Variants in MIA2 observed in about 807,000 individuals in gnomAD.
The protein encoded by MIA2 is melanoma inhibitory activity protein 2.
MIA2 carries 127 observed loss-of-function variants against 167.8 expected under a neutral mutation model. That is an observed-to-expected ratio of 0.76 (90% CI 0.66 to 0.88). The LOEUF (loss-of-function observed/expected upper bound fraction) is 0.88. Among genes scored for constraint, MIA2 ranks in the 40% least tolerant of loss-of-function variants. The probability of loss-of-function intolerance (pLI) is 0.00; values close to 1 mark genes in which losing one functional copy is unlikely to be tolerated. For synonymous variants in MIA2, 552 were observed against 541.9 expected, an observed-to-expected ratio of 1.02 and a Z score of -0.26; for missense variants, 1,690 against 1,624.7, an observed-to-expected ratio of 1.04 and a Z score of -0.69.
rs769534317 is a variant in MIA2 at position 39,238,793 on chromosome 14, C to CAAAAAAAAAAAAAAAAAAAAAAAA, written c.250-1750_250-1749insAAAAAAAAAAAAAAAAAAAAAAAA. Among the ~76,000 whole-genome samples, 123 of 30,736 alleles carry CAAAAAAAAAAAAAAAAAAAAAAAA rather than the reference C, an allele frequency of 4.0e-3. 9 individuals carry two copies. The highest frequency in any genetic ancestry group is 7.1e-3 in the East Asian group (4 of 560). The allele number at this position is 30,736 out of a possible 152,430, so 20.2% of individuals were successfully genotyped here. On this transcript the variant is annotated intron_variant, in intron 2 of 28. Transcript: ENST00000640607. ...TGGGTTACAAAGTGAGACCCTGTCT[C>CAAAAAAAAAAAAAAAAAAAAAAAA]AAAAAAAAAAAAAAAAAACCCAAAA... is the stretch of plus-strand genomic sequence containing the variant.
chr14:39,305,239 CATT>C (rs2063149209), intron 17 of MIA2, among the ~76,000 whole-genome samples: 1 of 152,132 alleles, frequency 6.6e-6, no homozygotes, highest in African/African-American at 2.4e-5. Flanking sequence ...TTTCAAGAAA[CATT>C]AGTATTAGTT....
intron 17 of MIA2, 53 bp from the exon 18 acceptor site, chr14:39,308,396 A>G: frequency 8.9e-7 from 1 of 1,118,922 alleles, no homozygotes; most frequent in South Asian, 1.8e-5. Context: ...TGAAATGTTA[A>G]TATGCAACTC....
rs769534317 is a variant in MIA2 at position 39,238,793 on chromosome 14, C to CAAAA, written c.249+1753_250-1750dup. On this transcript the variant is annotated intron_variant, in intron 2 of 28. Coordinates refer to ENST00000640607, the MANE Select transcript of MIA2 (RefSeq NM_001329214.4). ...TGGGTTACAAAGTGAGACCCTGTCT[C>CAAAA]AAAAAAAAAAAAAAAAAACCCAAAA... Among the ~76,000 whole-genome samples the CAAAA allele has an allele frequency of 2.3e-3, 71 of 30,818 alleles. 6 individuals carry two copies. Among genetic ancestry groups the CAAAA allele is most frequent in the African/African-American group, 7.6e-3 (42 of 5,532 alleles). 20.2% of individuals were successfully genotyped at this position (30,818 alleles called of 152,430 possible).
intron 7 of MIA2, among the ~76,000 whole-genome samples, 177 bp from the exon 8 acceptor site, chr14:39,279,160 C>CA (rs71435634): frequency 0.45 from 43,237 of 96,238 alleles, 9,950 homozygotes; most frequent in Non-Finnish European, 0.49. Context: ...GACTCTGTCT[C>CA]AAAAAAAAAA....
chr14:39,275,338 G>A (rs560000236), intron 6 of MIA2, among the ~76,000 whole-genome samples: 99 of 152,036 alleles, frequency 6.5e-4, no homozygotes, highest in African/African-American at 2.3e-3. Flanking sequence ...ACAGGGTTTT[G>A]CCACGTTGGC....
At chr14:39,262,295 T>C (rs2055159666) in intron 6 of MIA2, among the ~76,000 whole-genome samples, 1 of 152,246 alleles carries the variant, frequency 6.6e-6, no homozygotes, top group Admixed American at 6.5e-5. Context: ...TTTCTTGTTT[T>C]TGTCAGGTTT....
At chr14:39,286,697 T>TTTTTTTTTTTTTTTTTTTTTTG (rs2059849134) in intron 9 of MIA2, among the ~76,000 whole-genome samples, 1 of 2,826 alleles carries the variant, frequency 3.5e-4, no homozygotes, top group Non-Finnish European at 1.9e-3. Context: ...TCCTTCTTAC[T>TTTTTTTTTTTTTTTTTTTTTTG]TTTTTTTTTT....
At chr14:39,315,609 A>G in intron 20 of MIA2, 74 bp from the exon 21 acceptor site, 3 of 1,134,866 alleles carry the variant, frequency 2.6e-6, no homozygotes, top group Non-Finnish European at 2.6e-6. Context: ...GCACTACATC[A>G]TAGTGGTAGA....
chr14:39,292,734 A>G, intron 10 of MIA2: 1 of 259,536 alleles, frequency 3.9e-6, no homozygotes, highest in Non-Finnish European at 7.7e-6. Context: ...TTTAAAATCC[A>G]TTTGGAATAA....
chr14:39,306,872 C>T (rs1595400295), intron 17 of MIA2, among the ~76,000 whole-genome samples: 1 of 151,810 alleles, frequency 6.6e-6, no homozygotes, highest in Admixed American at 6.6e-5. Context: ...ATTTTAGAGG[C>T]GCTCAGAGTT....
intron 23 of MIA2, chr14:39,386,572 C>T: frequency 8.8e-7 from 1 of 1,140,056 alleles, no homozygotes; most frequent in Non-Finnish European, 1.3e-6. Context: ...TCTTTGTTAT[C>T]ATCACCTGCT....
intron 6 of MIA2, chr14:39,269,168 T>A (rs1333825695): frequency 1.8e-5 from 11 of 627,436 alleles, no homozygotes; most frequent in Non-Finnish European, 2.2e-5. Context: ...ATTTTTTTTT[T>A]ATTTTTAAAA....
At chr14:39,352,740 T>A (rs2074422708), downstream of MIA2, among the ~76,000 whole-genome samples, 1 of 152,194 alleles carries the variant, frequency 6.6e-6, no homozygotes, top group Non-Finnish European at 1.5e-5. Context: ...AAATTACATT[T>A]TTAAGGTTAT....
intron 6 of MIA2, chr14:39,276,486 G>C (rs1290521204): frequency 6.4e-6 from 1 of 156,340 alleles, no homozygotes; most frequent in Non-Finnish European, 1.4e-5. Context: ...TTTTGAGACA[G>C]GTCTTACTTT....
chr14:39,247,812 A>C lies in MIA2; in HGVS notation c.1238A>C (p.His413Pro), dbSNP rs765673366. Residue 413 changes from histidine to proline, a missense_variant, in exon 4 of 29, where the codon CAT becomes CCT. Coordinates refer to ENST00000640607, the MANE Select transcript of MIA2 (RefSeq NM_001329214.4). ...GATGGTGGGGCAGATGAACATGAAC[A>C]TCCTCTAACAAGTGAATTAGACCCT... is the stretch of plus-strand genomic sequence containing the variant. ...EEDGGADEHE[H>P]PLTSELDPEK... 6.2e-7 allele frequency: 1 copy of C among 1,607,392 alleles called. No homozygotes were observed. The highest frequency in any genetic ancestry group is 1.7e-5 in the Admixed American group (1 of 58,268).
intron 23 of MIA2, among the ~76,000 whole-genome samples, chr14:39,369,929 T>G (rs1171155399): frequency 6.6e-6 from 1 of 152,206 alleles, no homozygotes; most frequent in African/African-American, 2.4e-5. Flanking sequence ...TTAATAGAAG[T>G]TACACAAAAT....
At chr14:39,313,573 A>G in intron 19 of MIA2, 132 bp downstream of exon 19, 1 of 508,186 alleles carries the variant, frequency 2.0e-6, no homozygotes, top group Admixed American at 4.0e-5. Context: ...AGACAAAAAA[A>G]TAATATATTT....
At chr14:39,288,375 T>G (rs1232205111) in intron 9 of MIA2, among the ~76,000 whole-genome samples, 2 of 149,186 alleles carry the variant, frequency 1.3e-5, no homozygotes, top group Non-Finnish European at 3.0e-5. Flanking sequence ...GGTTTTTGTC[T>G]TTCAGTCTGT....
At chr14:39,288,008 G>C (rs989275965) in intron 9 of MIA2, among the ~76,000 whole-genome samples, 3 of 152,072 alleles carry the variant, frequency 2.0e-5, no homozygotes, top group Admixed American at 6.6e-5. Flanking sequence ...CACCAAGCCT[G>C]GCTAATTTGT....
Sources: allele counts gnomAD v4.1 joint callset (sites outside exome capture counted in the v4.1 genomes callset), GRCh38; gene constraint gnomAD v4.1.1; transcripts MANE v1.5; gene names NCBI Gene and HGNC (gene_info 2026-07-23, HGNC 2026-07-21).